CLDN6: variants seen among roughly 807,000 people sequenced by gnomAD.
CLDN6 encodes claudin 6.
For synonymous variants in CLDN6, 144 were observed against 131.2 expected, an observed-to-expected ratio of 1.10 and a Z score of -0.67; for missense variants, 279 against 284.1, an observed-to-expected ratio of 0.98 and a Z score of 0.13.
chr16:3,015,282 G>A lies in CLDN6; in HGVS notation c.*77C>T, dbSNP rs2072557574. ...AGCAGGAGGCAGAAACAAAAGGTACGAACCCATCCCAAAGCTGTTGGGCAC... is the reference window on the plus strand; with the variant it reads ...AGCAGGAGGCAGAAACAAAAGGTACAAACCCATCCCAAAGCTGTTGGGCAC... On this transcript the variant is annotated 3_prime_UTR_variant, in exon 2 of 2. Transcript: ENST00000328796. 1.5e-6 allele frequency: 2 copies of A among 1,305,810 alleles called. No homozygotes were observed. The highest frequency in any genetic ancestry group is 2.3e-5 in the Admixed American group (1 of 42,556). The allele number at this position is 1,305,810 out of a possible 1,614,324, so 80.9% of individuals were successfully genotyped here.
intron 1 of CLDN6, among the ~76,000 whole-genome samples, chr16:3,016,320 A>G (rs2072567072): frequency 6.6e-6 from 1 of 152,262 alleles, no homozygotes; most frequent in African/African-American, 2.4e-5. Context: ...ATGAAAGATA[A>G]CAGGATGAAA....
chr16:3,016,814 A>ATTTTTTTTT (rs545186433), intron 1 of CLDN6, among the ~76,000 whole-genome samples: 2 of 150,960 alleles, frequency 1.3e-5, no homozygotes, highest in African/African-American at 4.9e-5. Flanking sequence ...CGCCCGGCTA[A>ATTTTTTTTT]TTTTTTTGTA....
At chr16:3,016,275 T>C (rs2072566786) in intron 1 of CLDN6, among the ~76,000 whole-genome samples, 1 of 152,222 alleles carries the variant, frequency 6.6e-6, no homozygotes, top group Admixed American at 6.5e-5. Context: ...ACAGTGACTG[T>C]GCAAGCAGCC....
At position 3,016,010 on chromosome 16, in the gene CLDN6, G is replaced by A. The variant is rs750988999; in HGVS notation, c.12C>T (p.Ala4=). The change falls in exon 2 of 2, where the codon GCC becomes GCT. Residue 4 remains alanine, a synonymous_variant. Coordinates refer to ENST00000328796, the MANE Select transcript of CLDN6 (RefSeq NM_021195.5). MAS[A]GMQILGVVLT... ...GGACGACTCCCAGGATCTGCATTCCGGCAGAGGCCATGGCGAGGTTGAAGG... is the reference window on the plus strand; with the variant it reads ...GGACGACTCCCAGGATCTGCATTCCAGCAGAGGCCATGGCGAGGTTGAAGG... 2.2e-5 allele frequency: 36 copies of A among 1,613,348 alleles called. No individual in the cohort carries two copies. Among genetic ancestry groups the A allele is most frequent in the Non-Finnish European group, 2.6e-5 (31 of 1,179,564 alleles).
intron 1 of CLDN6, among the ~76,000 whole-genome samples, chr16:3,016,678 C>T (rs934528973): frequency 2.2e-5 from 3 of 137,482 alleles, no homozygotes; most frequent in African/African-American, 5.6e-5. Flanking sequence ...GACGGAGTCT[C>T]GCTCTGTCGC....
chr16:3,014,970 G>C lies in CLDN6; in HGVS notation c.*389C>G. 2.5e-6 allele frequency: 1 copy of C among 405,548 alleles called. No individual in the cohort carries two copies. The allele number at this position is 405,548 out of a possible 1,614,324, so 25.1% of individuals were successfully genotyped here. A position where few individuals can be genotyped will look rare whatever the true frequency, so the allele number is the denominator to read the frequency against. On this transcript the variant is annotated 3_prime_UTR_variant, in exon 2 of 2. Coordinates refer to ENST00000328796, the MANE Select transcript of CLDN6 (RefSeq NM_021195.5). ...GCTCCAGAGACCTGAGTAGGATGGG[G>C]GGCAGCTGTCCAGTGACATCTAGGG...
chr16:3,016,100 A>C, intron 1 of CLDN6, 58 bp from the exon 2 acceptor site: 1 of 1,480,780 alleles, frequency 6.8e-7, no homozygotes, highest in South Asian at 1.3e-5. Flanking sequence ...ACCTCAGGCC[A>C]CATGTGGACA....
intron 1 of CLDN6, among the ~76,000 whole-genome samples, chr16:3,017,560 C>CGG (rs1251692587): frequency 6.6e-6 from 1 of 152,090 alleles, no homozygotes; most frequent in African/African-American, 2.4e-5. Flanking sequence ...ACTCATTAGC[C>CGG]GGGGGCCCCA....
chr16:3,017,632 G>C (rs1416508562), intron 1 of CLDN6, among the ~76,000 whole-genome samples: 1 of 152,100 alleles, frequency 6.6e-6, no homozygotes, highest in African/African-American at 2.4e-5. Flanking sequence ...CAGCGCTCAG[G>C]TCCGGCCCTT....
intron 1 of CLDN6, 117 bp from the exon 2 acceptor site, chr16:3,016,159 T>A (rs2072566170): frequency 2.2e-6 from 2 of 903,770 alleles, no homozygotes; most frequent in Non-Finnish European, 3.3e-6. Flanking sequence ...ATCCTGGAAC[T>A]CAGTCAAGAC....
At position 3,015,733 on chromosome 16, in the gene CLDN6, C is replaced by T. The variant is rs1295727276; in HGVS notation, c.289G>A (p.Val97Ile). ...ALLVALFGLL[V>I]YLAGAKCTTC... ...GTACACTTGGCCCCAGCAAGGTAGACCAGCAAGCCGAACAGGGCCACAAGG... is the reference window on the plus strand; with the variant it reads ...GTACACTTGGCCCCAGCAAGGTAGATCAGCAAGCCGAACAGGGCCACAAGG... Residue 97 changes from valine (V) to isoleucine (I), a missense_variant, in exon 2 of 2, where the codon GTC becomes ATC. By Grantham distance (29) the Val-to-Ile change is conservative. Transcript: ENST00000328796. 1.9e-6 allele frequency: 3 copies of T among 1,613,844 alleles called. No homozygotes were observed. The highest frequency in any genetic ancestry group is 2.5e-6 in the Non-Finnish European group (3 of 1,180,052).
In CLDN6 at chr16:3,015,643, T is replaced by G. The variant is rs771141903; in HGVS notation, c.379A>C (p.Ile127Leu). 1 of 1,613,280 alleles carries G rather than the reference T, an allele frequency of 6.2e-7. No homozygotes were observed. Among genetic ancestry groups the G allele is most frequent in the South Asian group, 1.1e-5 (1 of 91,078 alleles). Residue 127 changes from isoleucine (I) to leucine (L), a missense_variant, in exon 2 of 2, where the codon ATC becomes CTC. Transcript: ENST00000328796. ...LVLTSGIVFV[I>L]SGVLTLIPVC... Reference sequence around the variant, plus strand: ...GGGATTAGCGTCAGGACCCCTGAGATGACAAAGACAATCCCAGAGGTGAGC... The same window carrying G: ...GGGATTAGCGTCAGGACCCCTGAGAGGACAAAGACAATCCCAGAGGTGAGC...
chr16:3,015,216 T>G lies in CLDN6; in HGVS notation c.*143A>C. The G allele has an allele frequency of 2.8e-6, 2 of 716,358 alleles. No homozygotes were observed. The highest frequency in any genetic ancestry group is 2.7e-5 in the South Asian group (1 of 37,690). 44.4% of individuals were successfully genotyped at this position (716,358 alleles called of 1,614,324 possible). On this transcript the variant is annotated 3_prime_UTR_variant, in exon 2 of 2. Transcript: ENST00000328796. ...AGTCTGAGTCAACACCTTGGCTCAG[T>G]TTTCAAATGAATTTTAAATATCCTC...
rs760716801 is a variant in CLDN6, at chr16:3,015,997, G to A, written c.25C>T (p.Leu9=). The part of the protein sequence containing the change: MASAGMQI[L]GVVLTLLGWV... ...CCCAGCAGTGTCAGGACGACTCCCAGGATCTGCATTCCGGCAGAGGCCATG... is the reference window on the plus strand; with the variant it reads ...CCCAGCAGTGTCAGGACGACTCCCAAGATCTGCATTCCGGCAGAGGCCATG... The change falls in exon 2 of 2, where the codon CTG becomes TTG. Residue 9 remains leucine, a synonymous_variant. Transcript: ENST00000328796. 16 of 1,613,874 alleles carry A rather than the reference G, an allele frequency of 9.9e-6. No individual in the cohort carries two copies. The South Asian group carries it at 1.6e-4, about 17-fold the overall frequency.
At position 3,015,550 on chromosome 16, in the gene CLDN6, G is replaced by A. The variant is rs761191860; in HGVS notation, c.472C>T (p.Arg158Trp). Residue 158 changes from arginine to tryptophan, a missense_variant, in exon 2 of 2, where the codon CGG becomes TGG. By Grantham distance (101) the Arg-to-Trp change is moderately radical. Coordinates refer to ENST00000328796, the MANE Select transcript of CLDN6 (RefSeq NM_021195.5). The part of the protein sequence containing the change: ...YNPLVAEAQK[R>W]ELGASLYLGW... Reference sequence around the variant, plus strand: ...AAGTAGAGGGAGGCCCCCAGCTCCCGCTTTTGGGCCTCAGCCACCAGGGGG... The same window carrying A: ...AAGTAGAGGGAGGCCCCCAGCTCCCACTTTTGGGCCTCAGCCACCAGGGGG... 3.3e-5 allele frequency: 53 copies of A among 1,612,900 alleles called. No homozygotes were observed. In the South Asian group the frequency reaches 4.7e-4, roughly 14 times the overall value.
At chr16:3,017,713 C>T (rs1440352192) in intron 1 of CLDN6, among the ~76,000 whole-genome samples, 2 of 152,004 alleles carry the variant, frequency 1.3e-5, no homozygotes, top group Admixed American at 1.3e-4. Context: ...CTGAGTGTGC[C>T]CCTGCCCCTT....
Position 3,014,854 on chromosome 16 carries a change from TA to T in CLDN6, c.*504del. 9.2e-6 allele frequency: 3 copies of T among 324,326 alleles called. No homozygotes were observed. The highest frequency in any genetic ancestry group is 5.6e-6 in the Non-Finnish European group (1 of 179,704). 20.1% of individuals were successfully genotyped at this position (324,326 alleles called of 1,614,324 possible). ...ACCTGGCCCTGGGGGGTGGACGTCT[TA>T]TCAGGACGGAGGAAACAGAGGTCAG... On this transcript the variant is annotated 3_prime_UTR_variant, in exon 2 of 2. Coordinates refer to ENST00000328796, the MANE Select transcript of CLDN6 (RefSeq NM_021195.5).
In CLDN6 at chr16:3,017,900, G is replaced by T. The variant is rs1001562802; in HGVS notation, c.-22+249C>A. On this transcript the variant is annotated intron_variant, in intron 1 of 1. Coordinates refer to ENST00000328796, the MANE Select transcript of CLDN6 (RefSeq NM_021195.5). ...CGCCCCGCCCCGAGAGGCAAGGCAGGTGGGGGAGGGGCGCCAGGGGTTTCG... is the reference window on the plus strand; with the variant it reads ...CGCCCCGCCCCGAGAGGCAAGGCAGTTGGGGGAGGGGCGCCAGGGGTTTCG... Among the ~76,000 whole-genome samples the T allele has an allele frequency of 1.1e-3, 162 of 151,376 alleles. 1 individual carries two copies. Among genetic ancestry groups the T allele is most frequent in the Non-Finnish European group, 1.0e-4 (7 of 67,736 alleles).
At chr16:3,017,709 G>T (rs956891225) in intron 1 of CLDN6, among the ~76,000 whole-genome samples, 1 of 151,964 alleles carries the variant, frequency 6.6e-6, no homozygotes, top group Admixed American at 6.5e-5. Flanking sequence ...CCCTCTGAGT[G>T]TGCCCCTGCC....
Sources: gnomAD v4.1 joint callset for allele counts (sites outside exome capture counted in the v4.1 genomes callset) on GRCh38, gnomAD v4.1.1 for gene constraint, MANE v1.5 for transcripts, NCBI Gene and HGNC (gene_info 2026-07-23, HGNC 2026-07-21) for gene names.